The following STRAP variants were observed in gnomAD, a reference collection of about 807,000 sequenced individuals.
STRAP encodes serine/threonine kinase receptor associated protein, also known as serine-threonine kinase receptor-associated protein.
In STRAP, 16 loss-of-function variants were observed where a neutral mutation model predicts 47.0. The ratio of observed to expected loss-of-function variants is 0.34; its 90% CI spans 0.23 to 0.52. The LOEUF (loss-of-function observed/expected upper bound fraction) is 0.52, where lower values mean the gene tolerates loss of function less well. Among genes scored for constraint, STRAP ranks in the 20% least tolerant of loss-of-function variants. The probability of loss-of-function intolerance (pLI) is 0.96; values close to 1 mark genes in which losing one functional copy is unlikely to be tolerated. For synonymous variants in STRAP, 130 were observed against 142.7 expected (o/e 0.91, Z 0.63); for missense variants, 293 against 420.0 (o/e 0.70, Z 2.64).
At chr12:15,888,645 T>A (rs1947990466) in intron 2 of STRAP, among the ~76,000 whole-genome samples, 1 of 152,214 alleles carries the variant, frequency 6.6e-6, no homozygotes, top group Non-Finnish European at 1.5e-5. Context: ...TCCCCTGATA[T>A]ATTTCTCTTT....
intron 2 of STRAP, among the ~76,000 whole-genome samples, chr12:15,884,684 A>G (rs1947954304): frequency 6.6e-6 from 1 of 152,080 alleles, no homozygotes; most frequent in African/African-American, 2.4e-5. Flanking sequence ...ACGGGGGTGA[A>G]CTACTGTGCC....
chr12:15,895,458 A>G lies in STRAP; in HGVS notation c.600A>G (p.Ile200Met). Reference sequence around the variant, plus strand: ...TTCCTGAGGGAGAGATTTTGGTTATAACTTATGGACGATCTATTGCTTTTC... The same window carrying G: ...TTCCTGAGGGAGAGATTTTGGTTATGACTTATGGACGATCTATTGCTTTTC... Reference protein sequence around the residue: ...EYIPEGEILVITYGRSIAFHS... With the variant: ...EYIPEGEILVMTYGRSIAFHS... The change falls in exon 6 of 10, where the codon ATA becomes ATG. Residue 200 changes from isoleucine to methionine, a missense_variant. Transcript: ENST00000419869. The G allele has an allele frequency of 6.2e-7, 1 of 1,608,122 alleles. No homozygotes were observed. Among genetic ancestry groups the G allele is most frequent in the Non-Finnish European group, 8.5e-7 (1 of 1,178,494 alleles).
chr12:15,884,127 T>G (rs1391214897), intron 2 of STRAP, among the ~76,000 whole-genome samples: 1 of 152,222 alleles, frequency 6.6e-6, no homozygotes, highest in Non-Finnish European at 1.5e-5. Flanking sequence ...AAAACTCAGC[T>G]GCTCGTCATT....
intron 7 of STRAP, among the ~76,000 whole-genome samples, chr12:15,899,049 A>G (rs1948083055): frequency 1.3e-5 from 2 of 152,186 alleles, no homozygotes; most frequent in Non-Finnish European, 2.9e-5. Context: ...CTAGTTTTCA[A>G]AGTTTTAGAA....
chr12:15,899,927 C>T lies in STRAP; in HGVS notation c.799C>T (p.Pro267Ser). 6.2e-7 allele frequency: 1 copy of T among 1,613,020 alleles called. No homozygotes were observed. Among genetic ancestry groups the T allele is most frequent in the East Asian group, 2.2e-5 (1 of 44,804 alleles). The change falls in exon 8 of 10, where the codon CCT becomes TCT. Residue 267 changes from proline (P) to serine (S), a missense_variant. Around this residue, in one of 5 missense-constraint regions of STRAP, gnomAD observed 26 missense variants for 76.7 expected, o/e 0.34. Coordinates refer to ENST00000419869, the MANE Select transcript of STRAP (RefSeq NM_007178.4). ...AGAATCCTACAAGGGACACTTTGGTCCTATTCACTGTGTGAGATTTAGTCC... is the reference window on the plus strand; with the variant it reads ...AGAATCCTACAAGGGACACTTTGGTTCTATTCACTGTGTGAGATTTAGTCC... ...ELESYKGHFG[P>S]IHCVRFSPDG...
chr12:15,898,109 A>G, intron 7 of STRAP, 91 bp downstream of exon 7: 1 of 1,162,330 alleles, frequency 8.6e-7, no homozygotes, highest in Non-Finnish European at 1.1e-6. Context: ...TATATGTTAC[A>G]TATATATGTT....
chr12:15,901,662 ACCAACCTGG>A (rs1397785131), intron 9 of STRAP, among the ~76,000 whole-genome samples: 1 of 152,028 alleles, frequency 6.6e-6, no homozygotes, highest in African/African-American at 2.4e-5. Flanking sequence ...GTAGTTCAAG[ACCAACCTGG>A]CCAACATGGT....
Position 15,894,215 on chromosome 12 carries a change from T to C in STRAP, c.500+72T>C. On this transcript the variant is annotated intron_variant, in intron 5 of 9. Transcript: ENST00000419869. The surrounding 1 kb of genome is among the most constrained non-coding windows in gnomAD (Gnocchi z 4.9). ...TGGCTCACGCCTATAATCTCAGCACTTTGGGAGGCGAGCCGGGTGGATCAT... is the reference window on the plus strand; with the variant it reads ...TGGCTCACGCCTATAATCTCAGCACCTTGGGAGGCGAGCCGGGTGGATCAT... 1.6e-6 allele frequency: 2 copies of C among 1,257,620 alleles called. No individual in the cohort carries two copies. Among genetic ancestry groups the C allele is most frequent in the Non-Finnish European group, 2.3e-6 (2 of 869,012 alleles). The allele number at this position is 1,257,620 out of a possible 1,614,324, so 77.9% of individuals were successfully genotyped here.
At position 15,890,788 on chromosome 12, in the gene STRAP, G is replaced by A. The variant is rs780226306; in HGVS notation, c.403+119G>A. ...AATAAAGATAGTCATGGCCGGGCAC[G>A]GTGGCTCATACCTGTAATCCTAGCA... On this transcript the variant is annotated intron_variant, in intron 4 of 9. Transcript: ENST00000419869. This position sits in a 1 kb window ranked among gnomAD's most constrained non-coding sequence, Gnocchi z 4.5. 7.0e-5 allele frequency: 57 copies of A among 814,172 alleles called. No homozygotes were observed. In the Middle Eastern group the frequency reaches 1.1e-3, roughly 16 times the overall value. The allele number at this position is 814,172 out of a possible 1,614,324, so 50.4% of individuals were successfully genotyped here.
At chr12:15,897,622 G>C (rs1388003758) in intron 6 of STRAP, among the ~76,000 whole-genome samples, 2 of 151,918 alleles carry the variant, frequency 1.3e-5, no homozygotes, top group African/African-American at 4.8e-5. Context: ...CTCATTTCCG[G>C]GAAGACATCC....
chr12:15,886,300 C>T (rs1175768062), intron 2 of STRAP, among the ~76,000 whole-genome samples: 4 of 152,008 alleles, frequency 2.6e-5, no homozygotes, highest in African/African-American at 9.7e-5. Context: ...AGCAGTTCTC[C>T]AACCTCAGCC....
In STRAP at chr12:15,900,953, A is replaced by G; in HGVS notation, c.932A>G (p.Asp311Gly). 5.0e-6 allele frequency: 8 copies of G among 1,593,588 alleles called. No homozygotes were observed. The highest frequency in any genetic ancestry group is 6.8e-6 in the Non-Finnish European group (8 of 1,170,472). Residue 311 changes from aspartate to glycine, a missense_variant, in exon 9 of 10, where the codon GAT (aspartate) becomes GGT (glycine). Physicochemically the swap from Asp to Gly is moderately conservative, Grantham distance 94 (BLOSUM62 -1). Transcript: ENST00000419869. ...GLWKCVLPEEDSGELAKPKIG... is the reference protein window; with the variant it reads ...GLWKCVLPEEGSGELAKPKIG... ...ATTGCTTTTCTTTTTACAGAAGAAG[A>G]TAGTGGTGAGCTGGCAAAGCCAAAG...
chr12:15,900,962 A>G lies in STRAP; in HGVS notation c.941A>G (p.Glu314Gly). 6.3e-7 allele frequency: 1 copy of G among 1,595,516 alleles called. No homozygotes were observed. The highest frequency in any genetic ancestry group is 8.5e-7 in the Non-Finnish European group (1 of 1,171,200). ...KCVLPEEDSG[E>G]LAKPKIGFPE... ...CTTTTTACAGAAGAAGATAGTGGTG[A>G]GCTGGCAAAGCCAAAGATTGGTTTT... The change falls in exon 9 of 10, where the codon GAG becomes GGG. Residue 314 changes from glutamate to glycine, a missense_variant. Around this residue, in one of 5 missense-constraint regions of STRAP, gnomAD observed 52 missense variants for 45.0 expected, o/e 1.16. Coordinates refer to ENST00000419869, the MANE Select transcript of STRAP (RefSeq NM_007178.4).
chr12:15,898,968 G>A (rs1362456502), intron 7 of STRAP, among the ~76,000 whole-genome samples: 1 of 152,132 alleles, frequency 6.6e-6, no homozygotes, highest in Non-Finnish European at 1.5e-5. Context: ...ATTGCTTATG[G>A]TTCAGTTTTT....
intron 7 of STRAP, among the ~76,000 whole-genome samples, chr12:15,899,295 G>A (rs1374905404): frequency 6.6e-6 from 1 of 152,190 alleles, no homozygotes; most frequent in Non-Finnish European, 1.5e-5. Context: ...GCATTAGAAA[G>A]TAAATGAGAA....
intron 7 of STRAP, among the ~76,000 whole-genome samples, chr12:15,898,649 A>AT (rs1229449762): frequency 6.6e-6 from 1 of 152,198 alleles, no homozygotes; most frequent in Admixed American, 6.5e-5. Flanking sequence ...GTTAATGTAT[A>AT]TTTATCTGAT....
chr12:15,903,262 T>G lies in STRAP; in HGVS notation c.*284T>G. The G allele has an allele frequency of 3.9e-6, 1 of 257,554 alleles. No individual in the cohort carries two copies. The highest frequency in any genetic ancestry group is 7.2e-5 in the East Asian group (1 of 13,938). 16.0% of individuals were successfully genotyped at this position (257,554 alleles called of 1,614,324 possible). A position where few individuals can be genotyped will look rare whatever the true frequency, so the allele number is the denominator to read the frequency against. ...AACATCCAATTTCTATTATTACAAT[T>G]AGGGTTCTTGTAGCTGTTTATGTTA... On this transcript the variant is annotated 3_prime_UTR_variant, in exon 10 of 10. Coordinates refer to ENST00000419869, the MANE Select transcript of STRAP (RefSeq NM_007178.4).
chr12:15,883,177 C>A, intron 1 of STRAP: 2 of 1,506,040 alleles, frequency 1.3e-6, no homozygotes, highest in Non-Finnish European at 1.8e-6. Flanking sequence ...CCGTGCAATA[C>A]CTTACAAAGA....
Position 15,890,545 on chromosome 12 carries a change from G to A in STRAP, c.331-52G>A, listed in dbSNP as rs1480946703. 1 of 1,438,278 alleles carries A rather than the reference G, an allele frequency of 7.0e-7. No individual in the cohort carries two copies. The highest frequency in any genetic ancestry group is 9.7e-7 in the Non-Finnish European group (1 of 1,035,766). 89.1% of individuals were successfully genotyped at this position (1,438,278 alleles called of 1,614,324 possible). A position where few individuals can be genotyped will look rare whatever the true frequency, so the allele number is the denominator to read the frequency against. On this transcript the variant is annotated intron_variant, in intron 3 of 9. Transcript: ENST00000419869. This position sits in a 1 kb window ranked among gnomAD's most constrained non-coding sequence, Gnocchi z 4.5. Reference sequence around the variant, plus strand: ...TTATTTGGTGTTGAAATTTGAAAGAGAAATAACTATTAAAATGGTTAATCT... The same window carrying A: ...TTATTTGGTGTTGAAATTTGAAAGAAAAATAACTATTAAAATGGTTAATCT...
Sources: gnomAD v4.1 joint callset for allele counts (sites outside exome capture counted in the v4.1 genomes callset) on GRCh38, gnomAD v4.1.1 for gene constraint, gnomAD v4.1.1 regional missense constraint, Gnocchi (gnomAD v3.1) non-coding constraint, MANE v1.5 for transcripts, NCBI Gene and HGNC (gene_info 2026-07-23, HGNC 2026-07-21) for gene names.